ADAM9: variants seen among roughly 807,000 people sequenced by gnomAD.
The protein encoded by ADAM9 is ADAM metallopeptidase domain 9, also known as disintegrin and metalloproteinase domain-containing protein 9.
ADAM9 carries 54 observed loss-of-function variants against 108.1 expected under a neutral mutation model. The ratio of observed to expected loss-of-function variants is 0.50; its 90% CI spans 0.40 to 0.63. ADAM9 has a LOEUF of 0.63. Among genes scored for constraint, ADAM9 ranks in the 20% least tolerant of loss-of-function variants. The probability of loss-of-function intolerance (pLI) is 0.00; values close to 1 mark genes in which losing one functional copy is unlikely to be tolerated. For synonymous variants in ADAM9, 316 were observed against 336.0 expected (o/e 0.94, Z 0.65); for missense variants, 830 against 997.7 (o/e 0.83, Z 2.26).
intron 4 of ADAM9, chr8:39,014,388 A>G (rs922955591): frequency 3.6e-6 from 2 of 557,500 alleles, no homozygotes; most frequent in Admixed American, 3.5e-5. Context: ...TGCACTTATT[A>G]AAACATTTAA....
At chr8:39,060,171 A>G (rs1435168440) in intron 14 of ADAM9, among the ~76,000 whole-genome samples, 2 of 152,198 alleles carry the variant, frequency 1.3e-5, no homozygotes, top group Admixed American at 6.5e-5. Context: ...GTTTTTTCTC[A>G]AAAGGAGAGT....
chr8:39,044,273 G>A (rs973326988), intron 12 of ADAM9, among the ~76,000 whole-genome samples: 6 of 152,106 alleles, frequency 3.9e-5, no homozygotes, highest in South Asian at 2.1e-4. Context: ...TGTGTATGGC[G>A]TAAGATAAGG....
intron 15 of ADAM9, among the ~76,000 whole-genome samples, chr8:39,073,090 A>C (rs1838748122): frequency 6.6e-6 from 1 of 152,186 alleles, no homozygotes; most frequent in Non-Finnish European, 1.5e-5. Flanking sequence ...TACCAGACCA[A>C]TATATGGTCT....
intron 1 of ADAM9, among the ~76,000 whole-genome samples, chr8:39,003,435 T>C (rs1032686846): frequency 2.0e-5 from 3 of 150,302 alleles, no homozygotes; most frequent in African/African-American, 4.9e-5. Context: ...TATATTAATG[T>C]GGAAAAATGT....
chr8:39,097,100 A>T (rs953833652), intron 20 of ADAM9, among the ~76,000 whole-genome samples: 3 of 152,262 alleles, frequency 2.0e-5, no homozygotes, highest in South Asian at 4.1e-4. Flanking sequence ...CATTTGAAGA[A>T]TTAGCTGCCT....
At chr8:39,082,091 T>C (rs1274403599) in intron 16 of ADAM9, among the ~76,000 whole-genome samples, 1 of 152,176 alleles carries the variant, frequency 6.6e-6, no homozygotes, top group Non-Finnish European at 1.5e-5. Flanking sequence ...TAACTTATTT[T>C]CAACAGTGCT....
chr8:39,068,392 C>G (rs1838560256), intron 14 of ADAM9, among the ~76,000 whole-genome samples: 1 of 151,968 alleles, frequency 6.6e-6, no homozygotes. Context: ...TCCTAGCTGT[C>G]AGTCGGGCAC....
At chr8:39,098,968 T>TA (rs1201341003) in intron 20 of ADAM9, among the ~76,000 whole-genome samples, 73 of 152,122 alleles carry the variant, frequency 4.8e-4, no homozygotes, top group Non-Finnish European at 9.6e-4. Flanking sequence ...TATATATATA[T>TA]TTTTTTGCCA....
At chr8:39,002,475 C>T (rs4128871) in intron 1 of ADAM9, among the ~76,000 whole-genome samples, 45,472 of 151,286 alleles carry the variant, frequency 0.3, 6,920 homozygotes, top group Non-Finnish European at 0.34. Context: ...CGCACCACCA[C>T]GCCCGGCTAA....
chr8:39,018,979 A>G (rs991101909), intron 7 of ADAM9, 61 bp downstream of exon 7: 24 of 1,415,988 alleles, frequency 1.7e-5, no homozygotes, highest in Middle Eastern at 1.7e-4. Flanking sequence ...TGAGCATTTA[A>G]TGAAGGAAAT....
rs763992294 is a variant in ADAM9, at chr8:39,077,279, A to G, written c.1749A>G (p.Val583=). The change falls in exon 16 of 22, where the codon GTA becomes GTG. Residue 583 remains valine, a synonymous_variant. Transcript: ENST00000487273. ...LQCENVQEIP[V]FGIVPAIIQT... ...GTGAGAATGTACAAGAGATACCTGTATTTGGAATTGTGCCTGCTATTATTC... is the reference window on the plus strand; with the variant it reads ...GTGAGAATGTACAAGAGATACCTGTGTTTGGAATTGTGCCTGCTATTATTC... 6.2e-7 allele frequency: 1 copy of G among 1,614,044 alleles called. No homozygotes were observed. The highest frequency in any genetic ancestry group is 8.5e-7 in the Non-Finnish European group (1 of 1,180,008).
chr8:39,075,843 A>G (rs1465399183), intron 15 of ADAM9: 1 of 152,150 alleles, frequency 6.6e-6, no homozygotes, highest in East Asian at 1.9e-4. Flanking sequence ...GGCATCATTT[A>G]TCTCATTTTT....
chr8:39,027,681 C>A (rs1193091682), intron 11 of ADAM9, among the ~76,000 whole-genome samples: 1 of 152,124 alleles, frequency 6.6e-6, no homozygotes, highest in Non-Finnish European at 1.5e-5. Context: ...GAGGTTCCTT[C>A]CTAATTTAGA....
chr8:39,091,236 T>A, intron 19 of ADAM9, 23 bp from the exon 20 acceptor site: 1 of 1,603,056 alleles, frequency 6.2e-7, no homozygotes. Context: ...TTAATTTAGA[T>A]CAAAAGTAAT....
chr8:39,007,806 C>A, intron 1 of ADAM9, 80 bp from the exon 2 acceptor site: 1 of 966,480 alleles, frequency 1.0e-6, no homozygotes, highest in Non-Finnish European at 1.6e-6. Flanking sequence ...GTGATTTGAA[C>A]ATTTTGATTT....
Position 39,021,547 on chromosome 8 carries a change from A to G in ADAM9, c.673-96A>G. ...GATCTACCCGCCTGGGCCTCTCAAA[A>G]TGCTAGAATTACAGGCATGAGGTAC... On this transcript the variant is annotated intron_variant, in intron 7 of 21. Coordinates refer to ENST00000487273, the MANE Select transcript of ADAM9 (RefSeq NM_003816.3). The G allele has an allele frequency of 4.4e-6, 5 of 1,128,588 alleles. No individual in the cohort carries two copies. The South Asian group carries it at 5.0e-5, about 11-fold the overall frequency. The allele number at this position is 1,128,588 out of a possible 1,614,324, so 69.9% of individuals were successfully genotyped here.
At chr8:39,026,936 T>A in intron 11 of ADAM9, 126 bp downstream of exon 11, 1 of 1,271,808 alleles carries the variant, frequency 7.9e-7, no homozygotes, top group Non-Finnish European at 1.1e-6. Context: ...TGAAATTAAT[T>A]GCATGACATA....
intron 20 of ADAM9, among the ~76,000 whole-genome samples, chr8:39,096,684 T>G (rs1158926583): frequency 6.6e-6 from 1 of 152,194 alleles, no homozygotes; most frequent in African/African-American, 2.4e-5. Flanking sequence ...CTCTTCACCT[T>G]TTTTGCTCCT....
At chr8:39,087,465 G>A (rs2129442868) in intron 18 of ADAM9, among the ~76,000 whole-genome samples, 1 of 152,262 alleles carries the variant, frequency 6.6e-6, no homozygotes, top group African/African-American at 2.4e-5. Flanking sequence ...TCACTTAGCT[G>A]TTTTCTAATT....
Sources: allele counts gnomAD v4.1 joint callset (sites outside exome capture counted in the v4.1 genomes callset), GRCh38; gene constraint gnomAD v4.1.1; transcripts MANE v1.5; gene names NCBI Gene and HGNC (gene_info 2026-07-23, HGNC 2026-07-21).